Variants in DMD observed in about 807,000 individuals in gnomAD.
DMD encodes the protein dystrophin, also known as mutant dystrophin.
Under a neutral mutation model 330.1 loss-of-function variants are expected in DMD, and 63 were observed. The observed-to-expected ratio is 0.19, with a 90% CI of 0.16 to 0.24. DMD has a LOEUF of 0.24. Among genes scored for constraint, DMD ranks in the 10% least tolerant of loss-of-function variants. The pLI, the probability that DMD is intolerant of heterozygous loss-of-function variation, is 1.00. For synonymous variants in DMD, 1,223 were observed against 959.8 expected (o/e 1.27, Z -5.07); for missense variants, 3,344 against 2,684.1 (o/e 1.25, Z -5.43).
At chrX:32,152,824 T>C (rs750647523) in intron 44 of DMD, among the ~76,000 whole-genome samples, 1 of 111,963 alleles carries the variant, frequency 8.9e-6, no homozygotes, top group South Asian at 3.7e-4. Context: ...CGTTTAAACA[T>C]AGGAAAGAAT....
At chrX:31,479,222 A>T (rs1312222660) in intron 57 of DMD, 119 bp from the exon 58 acceptor site, 2 of 809,016 alleles carry the variant, frequency 2.5e-6, no homozygotes, top group East Asian at 6.7e-5. Flanking sequence ...TCTTTTATTT[A>T]TACACTGATG....
At chrX:32,785,638 T>A (rs1010739782) in intron 7 of DMD, among the ~76,000 whole-genome samples, 1 of 111,851 alleles carries the variant, frequency 8.9e-6, no homozygotes, top group Admixed American at 9.5e-5. Flanking sequence ...ACAACTAGCT[T>A]TAGCAGTTTT....
intron 44 of DMD, among the ~76,000 whole-genome samples, chrX:32,159,381 C>G (rs1460818950): frequency 8.9e-6 from 1 of 111,879 alleles, no homozygotes; most frequent in East Asian, 2.8e-4. Flanking sequence ...TTTGTCATAA[C>G]AAATAAACAT....
chrX:32,129,042 A>C (rs2096674919), intron 44 of DMD, among the ~76,000 whole-genome samples: 1 of 111,753 alleles, frequency 8.9e-6, no homozygotes, highest in Non-Finnish European at 1.9e-5. Context: ...TTAAATACCA[A>C]GGACAGTTAC....
At chrX:31,547,162 AAAG>A (rs1196317394) in intron 55 of DMD, among the ~76,000 whole-genome samples, 2 of 112,537 alleles carry the variant, frequency 1.8e-5, no homozygotes, top group African/African-American at 6.5e-5. Flanking sequence ...AACATAATAA[AAAG>A]AAGAACATTA....
At chrX:32,111,348 C>T (rs1293440246) in intron 44 of DMD, among the ~76,000 whole-genome samples, 5 of 111,867 alleles carry the variant, frequency 4.5e-5, no homozygotes, top group Non-Finnish European at 9.4e-5. Context: ...TTTTTATAAG[C>T]GCTATCCCTT....
chrX:33,235,879 G>T (rs1163420179), intron 1 of DMD, among the ~76,000 whole-genome samples: 1 of 108,018 alleles, frequency 9.3e-6, no homozygotes, highest in African/African-American at 3.4e-5. Flanking sequence ...TGCAAAACTT[G>T]CCAAGCTGGC....
chrX:33,129,325 CTT>C (rs58505662), intron 1 of DMD, among the ~76,000 whole-genome samples: 76 of 30,690 alleles, frequency 2.5e-3, no homozygotes, highest in African/African-American at 9.8e-3. Context: ...TTAAGGTTTG[CTT>C]TTTTTTTTTT....
At chrX:32,128,491 C>T (rs527811038) in intron 44 of DMD, among the ~76,000 whole-genome samples, 1 of 112,206 alleles carries the variant, frequency 8.9e-6, no homozygotes, top group East Asian at 2.8e-4. Flanking sequence ...AAATAGCAAG[C>T]CAATCGATTG....
Position 32,645,056 on chromosome X carries a change from A to G in DMD, c.1057T>C (p.Ser353Pro), listed in dbSNP as rs753289586. ...RYQTALEEVL[S>P]WLLSAEDTLQ... ...GTGTCCTCAGCAGAAAGAAGCCACG[A>G]TAATACTTCTTCTAAAGCTGTTTGA... Residue 353 changes from serine (S) to proline (P), a missense_variant, in exon 10 of 79, where the codon TCG (serine) becomes CCG (proline). Ser to Pro is a moderately conservative substitution (Grantham distance 74, BLOSUM62 -1). Transcript: ENST00000357033. 8 of 1,209,910 alleles carry G rather than the reference A, an allele frequency of 6.6e-6. No homozygotes were observed. Among genetic ancestry groups the G allele is most frequent in the Admixed American group, 2.2e-5 (1 of 45,695 alleles).
intron 42 of DMD, among the ~76,000 whole-genome samples, chrX:32,306,725 C>A (rs2097541773): frequency 9.1e-6 from 1 of 110,165 alleles, no homozygotes; most frequent in Admixed American, 9.8e-5. Context: ...TTACTTCCTC[C>A]CTTCCTTCCT....
chrX:33,333,367 T>C (rs2148966060), intron 1 of DMD, among the ~76,000 whole-genome samples: 1 of 111,483 alleles, frequency 9.0e-6, no homozygotes, highest in African/African-American at 3.2e-5. Flanking sequence ...CTCTTTTGCC[T>C]TTCCTCAGTT....
At chrX:31,165,506 T>C (rs1231809708) in intron 74 of DMD, among the ~76,000 whole-genome samples, 2 of 112,172 alleles carry the variant, frequency 1.8e-5, no homozygotes, top group Non-Finnish European at 3.8e-5. Context: ...TCAGAAAGGC[T>C]ACCTTTTCAT....
At chrX:31,361,551 G>T (rs1005996174) in intron 60 of DMD, among the ~76,000 whole-genome samples, 3 of 111,249 alleles carry the variant, frequency 2.7e-5, no homozygotes, top group Admixed American at 9.6e-5. Flanking sequence ...GGAGGCATCA[G>T]AAAAGAGGTG....
chrX:32,562,001 C>A (rs2051069260), intron 16 of DMD, among the ~76,000 whole-genome samples: 1 of 111,403 alleles, frequency 9.0e-6, no homozygotes, highest in African/African-American at 3.3e-5. Flanking sequence ...TGATGGAATT[C>A]GTCACTATCG....
At chrX:31,397,556 T>A (rs1403940251) in intron 60 of DMD, among the ~76,000 whole-genome samples, 1 of 112,713 alleles carries the variant, frequency 8.9e-6, no homozygotes, top group Non-Finnish European at 1.9e-5. Flanking sequence ...CTGTTGCATC[T>A]TTCCTAGATT....
intron 48 of DMD, among the ~76,000 whole-genome samples, chrX:31,843,847 T>TATTGTATTGTATTGTATTGTATTATATTG (rs774530515): frequency 0.097 from 10,552 of 109,090 alleles, 416 homozygotes; most frequent in South Asian, 0.21. Context: ...GTTTGAGATT[T>TATTGTATTGTATTGTATTGTATTATATTG]TATTGTATTG....
chrX:32,484,357 G>A (rs745379434), intron 21 of DMD, among the ~76,000 whole-genome samples: 7 of 111,754 alleles, frequency 6.3e-5, no homozygotes, highest in Non-Finnish European at 9.4e-5. Context: ...TTTGCTAGTC[G>A]CATGGCATGA....
intron 67 of DMD, among the ~76,000 whole-genome samples, chrX:31,183,674 G>T (rs2041407103): frequency 9.1e-6 from 1 of 109,837 alleles, no homozygotes; most frequent in African/African-American, 3.3e-5. Context: ...CAACCCTATA[G>T]GATTGTTTTA....
Sources: allele counts gnomAD v4.1 joint callset (sites outside exome capture counted in the v4.1 genomes callset), GRCh38; gene constraint gnomAD v4.1.1; transcripts MANE v1.5; gene names NCBI Gene and HGNC (gene_info 2026-07-23, HGNC 2026-07-21).